Variants in SUMF1 observed in about 807,000 individuals in gnomAD.
The protein encoded by SUMF1 is sulfatase modifying factor 1.
A neutral mutation model predicts 47.6 loss-of-function variants in SUMF1; 48 were observed. The ratio of observed to expected loss-of-function variants is 1.01; its 90% CI spans 0.80 to 1.28. SUMF1 has a LOEUF of 1.28. Ranked by LOEUF, SUMF1 falls within the 50% of genes most tolerant of loss-of-function variation. SUMF1 has a pLI of 0.00. For synonymous variants in SUMF1, 230 were observed against 192.1 expected, an observed-to-expected ratio of 1.20 and a Z score of -1.63; for missense variants, 571 against 485.4, an observed-to-expected ratio of 1.18 and a Z score of -1.66.
In SUMF1 at chr3:4,391,811, TTTTTC is replaced by T. The variant is rs534903953; in HGVS notation, c.955-15427_955-15423del. Among the ~76,000 whole-genome samples the T allele has an allele frequency of 2.3e-3, 349 of 149,390 alleles. 1 individual carries two copies. Among genetic ancestry groups the T allele is most frequent in the Non-Finnish European group, 4.1e-3 (274 of 67,336 alleles). On this transcript the variant is annotated intron_variant, in intron 7 of 8. Transcript: ENST00000272902. ...TCTGCTCATTGGTTTGGATAATTCC[TTTTTC>T]TTTTCTTTTCTTTTCTTTTTTTTTT... is the stretch of plus-strand genomic sequence containing the variant.
intron 8 of SUMF1, among the ~76,000 whole-genome samples, chr3:4,127,343 T>C (rs1295233671): frequency 6.6e-6 from 1 of 152,162 alleles, no homozygotes; most frequent in Non-Finnish European, 1.5e-5. Context: ...ATACAAAGTA[T>C]TGATCCTGGG....
chr3:4,186,281 G>A (rs1695198849), intron 8 of SUMF1, among the ~76,000 whole-genome samples: 1 of 152,056 alleles, frequency 6.6e-6, no homozygotes, highest in Non-Finnish European at 1.5e-5. Context: ...CCCAAATTGG[G>A]CATAATGTTT....
rs1559313302 is a variant in SUMF1 at position 4,457,038 on chromosome 3, G to GTATATATATACGTGTGTA, written c.271-3990_271-3989insTACACACGTATATATATA. ...TGTGTACATATATATACGTGTGTGT[G>GTATATATATACGTGTGTA]TATATATATATACGTGTGTGTATAT... is the stretch of plus-strand genomic sequence containing the variant. On this transcript the variant is annotated intron_variant, in intron 1 of 8. Transcript: ENST00000272902. Among the ~76,000 whole-genome samples the GTATATATATACGTGTGTA allele has an allele frequency of 1.7e-4, 19 of 109,246 alleles. No individual in the cohort carries two copies. The South Asian group carries it at 2.7e-3, about 16-fold the overall frequency. 71.7% of individuals were successfully genotyped at this position (109,246 alleles called of 152,430 possible).
chr3:4,316,199 A>T (rs1184109687), intron 8 of SUMF1: 1 of 676,922 alleles, frequency 1.5e-6, no homozygotes, highest in Admixed American at 2.1e-5. Flanking sequence ...CTTGCTGTTT[A>T]TGTTTATTTT....
intron 8 of SUMF1, among the ~76,000 whole-genome samples, chr3:4,133,065 T>C (rs1247500419): frequency 6.6e-6 from 1 of 152,202 alleles, no homozygotes; most frequent in Non-Finnish European, 1.5e-5. Context: ...TAGTCATTAA[T>C]ATCAGCTATG....
At position 4,096,327 on chromosome 3, in the gene SUMF1, T is replaced by C. The variant is rs1289599034; in HGVS notation, c.1015-27582A>G. On this transcript the variant is annotated intron_variant and NMD_transcript_variant, in intron 8 of 12. Transcript: ENST00000448413. ...ATCTAAGGGTCTTTCTCCCACACTA[T>C]AGCTGTTAAGCAATCAAGTTCTCTA... Among the ~76,000 whole-genome samples, 5 of 152,288 alleles carry C rather than the reference T, an allele frequency of 3.3e-5. No individual in the cohort carries two copies. In the South Asian group the frequency reaches 8.3e-4, roughly 25 times the overall value.
chr3:4,151,615 G>A (rs901914674), intron 8 of SUMF1, among the ~76,000 whole-genome samples: 5 of 145,038 alleles, frequency 3.4e-5, no homozygotes, highest in Non-Finnish European at 7.4e-5. Context: ...CAGAGGTGTC[G>A]AAACTTTTGG....
chr3:4,194,158 G>A lies in SUMF1; in HGVS notation c.1015-125413C>T, dbSNP rs1158147877. 1.2e-4 allele frequency among the ~76,000 whole-genome samples: 19 copies of A among 152,040 alleles called. 1 individual carries two copies. Among genetic ancestry groups the A allele is most frequent in the Admixed American group, 1.2e-3 (19 of 15,248 alleles). On this transcript the variant is annotated intron_variant and NMD_transcript_variant, in intron 8 of 12. Transcript: ENST00000448413. ...TATAGATACTGAGCACTTGAAATAT[G>A]GGTGTTGCAACTGAAGAACTGAGTT...
intron 8 of SUMF1, among the ~76,000 whole-genome samples, chr3:4,363,636 G>T (rs1699847204): frequency 6.6e-6 from 1 of 151,344 alleles, no homozygotes; most frequent in African/African-American, 2.4e-5. Context: ...GACACAATGG[G>T]GTTTTCTAGA....
chr3:4,216,316 G>A (rs1273292769), intron 8 of SUMF1, among the ~76,000 whole-genome samples: 1 of 152,190 alleles, frequency 6.6e-6, no homozygotes, highest in Admixed American at 6.5e-5. Context: ...AATGAATGGT[G>A]TTGGGAAAAT....
chr3:4,300,434 C>G (rs1195956036), intron 8 of SUMF1, among the ~76,000 whole-genome samples: 1 of 152,206 alleles, frequency 6.6e-6, no homozygotes, highest in Non-Finnish European at 1.5e-5. Context: ...GTTTTTATAT[C>G]AGATGTGTAC....
At chr3:4,254,078 A>G (rs1696883082) in intron 8 of SUMF1, among the ~76,000 whole-genome samples, 2 of 151,832 alleles carry the variant, frequency 1.3e-5, no homozygotes, top group Non-Finnish European at 1.5e-5. Context: ...AAAACTAACA[A>G]ACAGAAAGGA....
intron 8 of SUMF1, among the ~76,000 whole-genome samples, chr3:4,130,535 A>G (rs963001823): frequency 2.6e-5 from 4 of 152,204 alleles, no homozygotes; most frequent in Non-Finnish European, 5.9e-5. Context: ...AGTAAGAAGT[A>G]GCAAACACAC....
rs527349541 is a variant in SUMF1 at position 4,386,157 on chromosome 3, C to A, written c.955-9768G>T. ...TATTTCAGAATAATCATGTCAATATCTACAAAAAATCTTGCTGGGATTTTG... is the reference window on the plus strand; with the variant it reads ...TATTTCAGAATAATCATGTCAATATATACAAAAAATCTTGCTGGGATTTTG... On this transcript the variant is annotated intron_variant, in intron 7 of 8. Transcript: ENST00000272902. Among the ~76,000 whole-genome samples the A allele has an allele frequency of 2.0e-4, 31 of 152,204 alleles. No homozygotes were observed. The East Asian group carries it at 5.8e-3, about 28-fold the overall frequency.
intron 8 of SUMF1, among the ~76,000 whole-genome samples, chr3:4,250,134 G>C (rs2125008252): frequency 6.7e-6 from 1 of 150,328 alleles, no homozygotes; most frequent in South Asian, 2.3e-4. Flanking sequence ...TGGAAGCCAA[G>C]ATTGTGCCAT....
At chr3:4,165,432 G>A (rs1449788366) in intron 8 of SUMF1, among the ~76,000 whole-genome samples, 4 of 152,054 alleles carry the variant, frequency 2.6e-5, no homozygotes, top group African/African-American at 4.8e-5. Context: ...TTCCTTCTGG[G>A]TGGGGGAGAT....
chr3:4,271,979 T>G (rs1450300722), intron 8 of SUMF1, among the ~76,000 whole-genome samples: 1 of 152,110 alleles, frequency 6.6e-6, no homozygotes, highest in African/African-American at 2.4e-5. Context: ...AAGAACAAAG[T>G]GCTGGGAATC....
rs573544590 is a variant in SUMF1 at position 4,251,017 on chromosome 3, T to C, written c.1014+125313A>G. ...AGTCCTTTTATTTAAGAAATAAATT[T>C]CATAAGGCTATAGCTGCCATAGATA... On this transcript the variant is annotated intron_variant and NMD_transcript_variant, in intron 8 of 12. Transcript: ENST00000448413. Among the ~76,000 whole-genome samples the C allele has an allele frequency of 5.9e-4, 90 of 152,318 alleles. 2 individuals carry two copies. Among genetic ancestry groups the C allele is most frequent in the Admixed American group, 1.7e-3 (26 of 15,302 alleles).
chr3:4,068,705 G>T (rs1407957160), exon 9 of SUMF1: 1 of 445,688 alleles, frequency 2.2e-6, no homozygotes, highest in Non-Finnish European at 4.5e-6. Flanking sequence ...CAACATCTCA[G>T]ATGCCACATC....
Sources: gnomAD v4.1 joint callset for allele counts (sites outside exome capture counted in the v4.1 genomes callset) on GRCh38, gnomAD v4.1.1 for gene constraint, MANE v1.5 for transcripts, NCBI Gene and HGNC (gene_info 2026-07-23, HGNC 2026-07-21) for gene names.